RABL6: variants seen among roughly 807,000 people sequenced by gnomAD.
RABL6 encodes the protein rab-like protein 6.
RABL6 carries 28 observed loss-of-function variants against 72.9 expected under a neutral mutation model. That is an observed-to-expected ratio of 0.38 (90% CI 0.28 to 0.53). RABL6 has a LOEUF of 0.53. Ranked by LOEUF, RABL6 falls within the 20% of genes least tolerant of loss-of-function variation. RABL6 has a pLI of 0.80. For missense variants in RABL6, 1,029 were observed against 1,008.4 expected, an observed-to-expected ratio of 1.02 and a Z score of -0.28; for synonymous variants, 477 against 421.2, an observed-to-expected ratio of 1.13 and a Z score of -1.62.
Position 136,839,039 on chromosome 9 carries a change from A to G in RABL6, c.1411A>G (p.Ser471Gly), listed in dbSNP as rs1848636052. The G allele has an allele frequency of 6.2e-7, 1 of 1,612,284 alleles. No homozygotes were observed. Among genetic ancestry groups the G allele is most frequent in the African/African-American group, 1.3e-5 (1 of 74,870 alleles). ...CCCCAGTCAAGACATCACTCTTTCG[A>G]GTGAGGAGGAAGCAGAAGTGGCAGC... ...PVPSQDITLS[S>G]EEEAEVAAPT... The change falls in exon 11 of 15, where the codon AGT becomes GGT. Residue 471 changes from serine (S) to glycine (G), a missense_variant. By Grantham distance (56) the Ser-to-Gly change is moderately conservative (BLOSUM62 0). Transcript: ENST00000311502.
At position 136,838,910 on chromosome 9, in the gene RABL6, G is replaced by C. The variant is rs1204494132; in HGVS notation, c.1282G>C (p.Asp428His). ...ACCGCTTTGCCCCCTGCTTTGCAGT[G>C]ATGGGGAGGCCCTGGGCGGCAACCC... is the stretch of plus-strand genomic sequence containing the variant. ...AKAAQQDSDS[D>H]GEALGGNPMV... The change falls in exon 11 of 15, where the codon GAT becomes CAT. Residue 428 changes from aspartate (D) to histidine (H), a missense_variant and splice_region_variant. Physicochemically the swap from Asp to His is moderately conservative, Grantham distance 81. Around this residue, in one of 2 missense-constraint regions of RABL6, gnomAD observed 595 missense variants for 472.4 expected, o/e 1.26. Transcript: ENST00000311502. 2 of 1,585,298 alleles carry C rather than the reference G, an allele frequency of 1.3e-6. No homozygotes were observed. Among genetic ancestry groups the C allele is most frequent in the Non-Finnish European group, 1.7e-6 (2 of 1,165,122 alleles).
rs1420403512 is a variant in RABL6 at position 136,823,604 on chromosome 9, G to A, written c.210G>A (p.Glu70=). The change falls in exon 2 of 15, where the codon GAG becomes GAA. Residue 70 remains glutamate, a synonymous_variant. Coordinates refer to ENST00000311502, the MANE Select transcript of RABL6 (RefSeq NM_024718.5). ...GCCTGCAGGGCCGGCCGTTCGTGGA[G>A]GAGTACATCCCCACACAGGAGATCC... ...WHRLQGRPFV[E]EYIPTQEIQV... 3 of 1,613,784 alleles carry A rather than the reference G, an allele frequency of 1.9e-6. No homozygotes were observed. Among genetic ancestry groups the A allele is most frequent in the Non-Finnish European group, 2.5e-6 (3 of 1,179,822 alleles).
chr9:136,825,832 G>A lies in RABL6; in HGVS notation c.313+6G>A. 6.2e-7 allele frequency: 1 copy of A among 1,610,642 alleles called. No homozygotes were observed. Reference sequence around the variant, plus strand: ...CTGGGATGTAGTAGACAAAGGTGAGGCGTCTCTGTTCTGTGTCTGCTTCTC... The same window carrying A: ...CTGGGATGTAGTAGACAAAGGTGAGACGTCTCTGTTCTGTGTCTGCTTCTC... On this transcript the variant is annotated splice_donor_region_variant and intron_variant, in intron 3 of 14. Coordinates refer to ENST00000311502, the MANE Select transcript of RABL6 (RefSeq NM_024718.5).
chr9:136,821,619 T>G, intron 1 of RABL6: 1 of 987,342 alleles, frequency 1.0e-6, no homozygotes, highest in Non-Finnish European at 1.2e-6. Flanking sequence ...GGTTCCTGCC[T>G]CGGGCCGGAG....
At chr9:136,822,372 G>C (rs866892666) in intron 1 of RABL6, among the ~76,000 whole-genome samples, 5 of 152,102 alleles carry the variant, frequency 3.3e-5, no homozygotes, top group South Asian at 2.1e-4. Context: ...TCCTGGAAAC[G>C]TGGAGGACGG....
intron 1 of RABL6, among the ~76,000 whole-genome samples, 158 bp from the exon 2 acceptor site, chr9:136,823,367 T>C (rs1315217542): frequency 6.6e-6 from 1 of 152,206 alleles, no homozygotes; most frequent in Admixed American, 6.5e-5. Flanking sequence ...TACCCACCCA[T>C]CGTCTTCCTC....
intron 10 of RABL6, 100 bp downstream of exon 10, chr9:136,838,115 C>T (rs1283780279): frequency 2.1e-6 from 3 of 1,414,684 alleles, no homozygotes; most frequent in Non-Finnish European, 2.9e-6. Context: ...GAAGGGGCCC[C>T]CCGCCGGCTG....
At chr9:136,822,856 A>C (rs1319152736) in intron 1 of RABL6, among the ~76,000 whole-genome samples, 3 of 152,214 alleles carry the variant, frequency 2.0e-5, no homozygotes, top group Admixed American at 6.5e-5. Flanking sequence ...TGGGAGGCCA[A>C]GGCGGGCGGA....
chr9:136,839,530 G>C, intron 12 of RABL6, 44 bp downstream of exon 12: 1 of 1,581,166 alleles, frequency 6.3e-7, no homozygotes, highest in Non-Finnish European at 8.6e-7. Context: ...AGGTGGCCAG[G>C]GTCCCTCCCA....
intron 3 of RABL6, 64 bp downstream of exon 3, chr9:136,825,890 CCTTT>C: frequency 3.2e-6 from 5 of 1,544,672 alleles, no homozygotes; most frequent in Admixed American, 1.7e-5. Flanking sequence ...AGAGAGGCTT[CCTTT>C]CTTTCCCCCG....
chr9:136,838,075 A>G, intron 10 of RABL6, 60 bp downstream of exon 10: 1 of 1,538,844 alleles, frequency 6.5e-7, no homozygotes, highest in Non-Finnish European at 8.8e-7. Context: ...GTGCCCGAGC[A>G]GCAGGTGGGG....
At chr9:136,835,710 C>A (rs1337854498) in intron 7 of RABL6, 32 bp from the exon 8 acceptor site, 2 of 1,530,916 alleles carry the variant, frequency 1.3e-6, no homozygotes, top group Non-Finnish European at 1.8e-6. Context: ...AGGAAGGAGC[C>A]CTGCTCAGGC....
intron 1 of RABL6, chr9:136,821,357 C>T (rs549522957): frequency 6.1e-6 from 6 of 985,426 alleles, no homozygotes; most frequent in Non-Finnish European, 7.2e-6. Flanking sequence ...GAGACGGGAC[C>T]ACCGCATGTG....
intron 8 of RABL6, 183 bp from the exon 9 acceptor site, chr9:136,837,163 C>T: frequency 1.3e-6 from 1 of 753,870 alleles, no homozygotes; most frequent in Non-Finnish European, 2.4e-6. Context: ...GCATGAGCCA[C>T]CGTGCCTGGC....
intron 2 of RABL6, among the ~76,000 whole-genome samples, chr9:136,824,007 G>A (rs1261610085): frequency 6.6e-6 from 1 of 152,202 alleles, no homozygotes; most frequent in African/African-American, 2.4e-5. Context: ...TTTTTCTTGG[G>A]CCCCAGCCCG....
chr9:136,825,802 G>A lies in RABL6; in HGVS notation c.289G>A (p.Glu97Lys), dbSNP rs765685879. ...AGCCACGGATGACATCGTGAAGGTT[G>A]AAGTCTGGGATGTAGTAGACAAAGG... The part of the protein sequence containing the change: ...YKTTDDIVKV[E>K]VWDVVDKGKC... Residue 97 changes from glutamate (E) to lysine (K), a missense_variant, in exon 3 of 15, where the codon GAA becomes AAA. Glu to Lys is a moderately conservative substitution (Grantham distance 56). Around this residue, in one of 2 missense-constraint regions of RABL6, gnomAD observed 434 missense variants for 536.1 expected, o/e 0.81. Transcript: ENST00000311502. 6.2e-7 allele frequency: 1 copy of A among 1,613,616 alleles called. No individual in the cohort carries two copies. Among genetic ancestry groups the A allele is most frequent in the Non-Finnish European group, 8.5e-7 (1 of 1,179,548 alleles).
intron 1 of RABL6, among the ~76,000 whole-genome samples, chr9:136,820,966 C>T (rs1848224124): frequency 6.6e-6 from 1 of 152,200 alleles, no homozygotes; most frequent in South Asian, 2.1e-4. Flanking sequence ...GAGAGGCCTG[C>T]ATGAGCCTTA....
chr9:136,818,541 C>T (rs60440140), intron 1 of RABL6, among the ~76,000 whole-genome samples: 9,319 of 150,774 alleles, frequency 0.062, 712 homozygotes, highest in African/African-American at 0.18. Flanking sequence ...CAGGAGTTCA[C>T]GACCAGCCTG....
intron 1 of RABL6, among the ~76,000 whole-genome samples, chr9:136,811,401 T>G (rs1352342183): frequency 6.6e-6 from 1 of 151,916 alleles, no homozygotes; most frequent in East Asian, 1.9e-4. Flanking sequence ...GCGGACAACC[T>G]GAGGCCAGGA....
Sources: allele counts gnomAD v4.1 joint callset (sites outside exome capture counted in the v4.1 genomes callset), GRCh38; gene constraint gnomAD v4.1.1; regional missense constraint gnomAD v4.1.1; transcripts MANE v1.5; gene names NCBI Gene and HGNC (gene_info 2026-07-23, HGNC 2026-07-21).